SEMA6D: variants seen among roughly 807,000 people sequenced by gnomAD.
SEMA6D encodes the protein semaphorin-6D.
SEMA6D carries 35 observed loss-of-function variants against 106.6 expected under a neutral mutation model. The ratio of observed to expected loss-of-function variants is 0.33; its 90% CI spans 0.25 to 0.44. The LOEUF (loss-of-function observed/expected upper bound fraction) is 0.44, where lower values mean the gene tolerates loss of function less well. Ranked by LOEUF, SEMA6D falls within the 20% of genes least tolerant of loss-of-function variation. The probability of loss-of-function intolerance (pLI) is 1.00; values close to 1 mark genes in which losing one functional copy is unlikely to be tolerated. For missense variants in SEMA6D, 1,185 were observed against 1,345.9 expected (o/e 0.88, Z 1.87); for synonymous variants, 499 against 487.7 (o/e 1.02, Z -0.31).
At chr15:47,318,258 C>CT (rs1174718427) in intron 1 of SEMA6D, among the ~76,000 whole-genome samples, 18 of 149,922 alleles carry the variant, frequency 1.2e-4, no homozygotes, top group Admixed American at 7.3e-4. Flanking sequence ...TTAAATTTTT[C>CT]TTTTTTTTAA....
intron 4 of SEMA6D, among the ~76,000 whole-genome samples, chr15:47,696,861 A>T (rs1732346109): frequency 6.6e-6 from 1 of 152,206 alleles, no homozygotes; most frequent in South Asian, 2.1e-4. Flanking sequence ...TCTCATAGTT[A>T]TGAAGATTAA....
chr15:47,523,439 GA>G (rs2044652187), intron 3 of SEMA6D, among the ~76,000 whole-genome samples: 1 of 152,016 alleles, frequency 6.6e-6, no homozygotes, highest in Non-Finnish European at 1.5e-5. Context: ...GGGAAGACAG[GA>G]AGAACAGTTG....
chr15:47,239,861 G>A (rs1398976045), intron 1 of SEMA6D, among the ~76,000 whole-genome samples: 3 of 152,150 alleles, frequency 2.0e-5, no homozygotes, highest in Admixed American at 6.5e-5. Context: ...TTCTATACAA[G>A]TAATTTGTAT....
chr15:47,751,046 T>C (rs2081404090), intron 1 of SEMA6D, among the ~76,000 whole-genome samples: 1 of 152,176 alleles, frequency 6.6e-6, no homozygotes, highest in Non-Finnish European at 1.5e-5. Context: ...TCTCCTGGAA[T>C]CTGTATATAT....
At chr15:47,760,494 A>G (rs1447888208) in intron 3 of SEMA6D, 79 bp downstream of exon 3, 10 of 1,081,618 alleles carry the variant, frequency 9.2e-6, no homozygotes, top group African/African-American at 1.6e-5. Context: ...TAGTTCATGA[A>G]AAACTAATAT....
intron 1 of SEMA6D, among the ~76,000 whole-genome samples, chr15:47,285,073 G>T (rs1030206891): frequency 6.6e-6 from 1 of 152,194 alleles, no homozygotes; most frequent in Non-Finnish European, 1.5e-5. Context: ...CAAGACTGCA[G>T]CCATGTGTAT....
chr15:47,259,856 AT>A (rs959751812), intron 1 of SEMA6D, among the ~76,000 whole-genome samples: 3 of 150,160 alleles, frequency 2.0e-5, no homozygotes, highest in Non-Finnish European at 3.0e-5. Flanking sequence ...AAAGGCTGTG[AT>A]TTTTTTTTCT....
intron 4 of SEMA6D, among the ~76,000 whole-genome samples, chr15:47,674,135 C>T (rs1267573938): frequency 6.6e-6 from 1 of 152,142 alleles, no homozygotes; most frequent in Non-Finnish European, 1.5e-5. Context: ...ATCAAGTGCC[C>T]CAGACCCCCT....
intron 4 of SEMA6D, among the ~76,000 whole-genome samples, chr15:47,698,162 T>G (rs2078738041): frequency 6.6e-6 from 1 of 152,138 alleles, no homozygotes; most frequent in Admixed American, 6.5e-5. Flanking sequence ...CCTTTGAGAT[T>G]ACATATTTTT....
At chr15:47,747,678 T>C (rs1420993863) in intron 1 of SEMA6D, among the ~76,000 whole-genome samples, 4 of 152,142 alleles carry the variant, frequency 2.6e-5, no homozygotes, top group Non-Finnish European at 5.9e-5. Flanking sequence ...TAGTATCTAC[T>C]ACCACCTGCG....
At chr15:47,349,414 C>T (rs1384130138) in intron 1 of SEMA6D, among the ~76,000 whole-genome samples, 3 of 152,256 alleles carry the variant, frequency 2.0e-5, no homozygotes, top group East Asian at 3.9e-4. Context: ...TCTGGTTAAG[C>T]CCAGAGAAGA....
upstream of SEMA6D, among the ~76,000 whole-genome samples, chr15:47,715,050 C>A (rs536056483): frequency 6.6e-5 from 10 of 152,132 alleles, no homozygotes; most frequent in South Asian, 1.2e-3. Context: ...GCACTTATGC[C>A]CATGGTAGGG....
rs777452290 is a variant in SEMA6D at position 47,765,981 on chromosome 15, C to T, written c.1540C>T (p.Arg514Cys). 1.3e-5 allele frequency: 20 copies of T among 1,594,990 alleles called. No homozygotes were observed. Among genetic ancestry groups the T allele is most frequent in the Middle Eastern group, 1.7e-4 (1 of 5,980 alleles). Residue 514 changes from arginine to cysteine, a missense_variant, in exon 14 of 19, where the codon CGC (arginine) becomes TGC (cysteine). Arg to Cys is a radical substitution (Grantham distance 180). Coordinates refer to ENST00000536845, the MANE Select transcript of SEMA6D (RefSeq NM_001358351.3). ...CTGCATTATCCGCATCCCCCTCAGT[C>T]GCTGTGAGCGTTATGGATCATGTAA... ...SSCIIRIPLSRCERYGSCKKS... is the reference protein window; with the variant it reads ...SSCIIRIPLSCCERYGSCKKS...
intron 4 of SEMA6D, among the ~76,000 whole-genome samples, chr15:47,711,561 G>C (rs1459930883): frequency 6.6e-6 from 1 of 152,104 alleles, no homozygotes; most frequent in African/African-American, 2.4e-5. Flanking sequence ...GGGCATTTTG[G>C]ACTTTAGACA....
chr15:47,623,082 C>T (rs957416311), intron 4 of SEMA6D, among the ~76,000 whole-genome samples: 3 of 152,156 alleles, frequency 2.0e-5, no homozygotes, highest in East Asian at 1.9e-4. Flanking sequence ...TCCTGAAGCC[C>T]TGTCTTCAAG....
chr15:47,495,252 C>T (rs950693103), intron 3 of SEMA6D, among the ~76,000 whole-genome samples: 2 of 151,552 alleles, frequency 1.3e-5, no homozygotes, highest in African/African-American at 4.9e-5. Flanking sequence ...CTTTCCTTTG[C>T]TATATTTTTT....
At chr15:47,595,850 T>G (rs1041966735) in intron 3 of SEMA6D, among the ~76,000 whole-genome samples, 6 of 152,124 alleles carry the variant, frequency 3.9e-5, no homozygotes, top group Non-Finnish European at 8.8e-5. Context: ...TTATCCAATT[T>G]ATTGGCATGT....
intron 13 of SEMA6D, 26 bp from the exon 14 acceptor site, chr15:47,765,843 G>A (rs2082308624): frequency 6.8e-7 from 1 of 1,479,276 alleles, no homozygotes; most frequent in African/African-American, 1.4e-5. Context: ...TAAACATATG[G>A]CTTCAAAATG....
intron 3 of SEMA6D, among the ~76,000 whole-genome samples, chr15:47,521,589 A>G (rs748329008): frequency 6.6e-6 from 1 of 152,114 alleles, no homozygotes; most frequent in Non-Finnish European, 1.5e-5. Context: ...CTTCTTTTTG[A>G]CTACACCACC....
Sources: allele counts gnomAD v4.1 joint callset (sites outside exome capture counted in the v4.1 genomes callset), GRCh38; gene constraint gnomAD v4.1.1; transcripts MANE v1.5; gene names NCBI Gene and HGNC (gene_info 2026-07-23, HGNC 2026-07-21).